The following IGF1R variants were observed in gnomAD, a reference collection of about 807,000 sequenced individuals.
The protein encoded by IGF1R is insulin like growth factor 1 receptor.
In IGF1R, 44 loss-of-function variants were observed where a neutral mutation model predicts 144.6. The ratio of observed to expected loss-of-function variants is 0.30; its 90% CI spans 0.24 to 0.39. The LOEUF (loss-of-function observed/expected upper bound fraction) is 0.39, where lower values mean the gene tolerates loss of function less well. IGF1R is among the 10% of genes least tolerant of loss of function. IGF1R has a pLI of 1.00. For synonymous variants in IGF1R, 795 were observed against 722.8 expected (o/e 1.10, Z -1.60); for missense variants, 1,355 against 1,833.7 (o/e 0.74, Z 4.77).
At chr15:98,863,002 A>T (rs1397229638) in intron 2 of IGF1R, among the ~76,000 whole-genome samples, 2 of 152,108 alleles carry the variant, frequency 1.3e-5, no homozygotes, top group Non-Finnish European at 2.9e-5. Flanking sequence ...TTTCCCACTG[A>T]TGTCCCTTTT....
At chr15:98,703,913 C>T (rs2053797413) in intron 1 of IGF1R, among the ~76,000 whole-genome samples, 1 of 152,074 alleles carries the variant, frequency 6.6e-6, no homozygotes, top group Non-Finnish European at 1.5e-5. Context: ...CTGTCTAATC[C>T]AAAAATCCAA....
chr15:98,928,374 G>C (rs1347774713), intron 13 of IGF1R, among the ~76,000 whole-genome samples: 1 of 152,220 alleles, frequency 6.6e-6, no homozygotes, highest in Non-Finnish European at 1.5e-5. Context: ...TCCAAGACAT[G>C]ACAGTGCCTT....
chr15:98,921,836 T>C (rs1342155245), intron 10 of IGF1R, among the ~76,000 whole-genome samples: 1 of 152,074 alleles, frequency 6.6e-6, no homozygotes, highest in African/African-American at 2.4e-5. Context: ...GCCTGAGTGT[T>C]CTGATGACAC....
intron 2 of IGF1R, among the ~76,000 whole-genome samples, chr15:98,762,379 C>T (rs1351598454): frequency 6.6e-6 from 1 of 151,662 alleles, no homozygotes; most frequent in African/African-American, 2.4e-5. Flanking sequence ...TTGTGAACCT[C>T]GTGATTCTAT....
intron 2 of IGF1R, among the ~76,000 whole-genome samples, chr15:98,720,772 A>G (rs142617188): frequency 1.3e-5 from 2 of 152,332 alleles, no homozygotes; most frequent in Non-Finnish European, 2.9e-5. Flanking sequence ...TGAATTATTC[A>G]TAAGTGCATA....
intron 2 of IGF1R, among the ~76,000 whole-genome samples, chr15:98,867,028 C>T (rs2012486805): frequency 6.6e-6 from 1 of 152,140 alleles, no homozygotes. Context: ...CCCGCCTCTC[C>T]ATTTGTGACT....
intron 2 of IGF1R, among the ~76,000 whole-genome samples, chr15:98,751,351 C>A (rs1362325503): frequency 1.3e-5 from 2 of 152,016 alleles, no homozygotes; most frequent in African/African-American, 4.8e-5. Flanking sequence ...AGGTGTGCAT[C>A]ACCACGCCCA....
At chr15:98,824,713 G>A (rs2056860411) in intron 2 of IGF1R, among the ~76,000 whole-genome samples, 2 of 152,144 alleles carry the variant, frequency 1.3e-5, no homozygotes, top group South Asian at 4.1e-4. Context: ...CTTTTTCCTT[G>A]ATCATCACTT....
At position 98,908,634 on chromosome 15, in the gene IGF1R, G is replaced by C. The variant is rs1306788795; in HGVS notation, c.1248-51G>C. 3 of 1,414,956 alleles carry C rather than the reference G, an allele frequency of 2.1e-6. No individual in the cohort carries two copies. In the South Asian group the frequency reaches 3.5e-5, roughly 17 times the overall value. 87.7% of individuals were successfully genotyped at this position (1,414,956 alleles called of 1,614,324 possible). A position where few individuals can be genotyped will look rare whatever the true frequency, so the allele number is the denominator to read the frequency against. ...TGTGTTACGTGGCCAGCAGGCTAGAGGGGACTGTGGCCAAGGGCAGGTGCG... is the reference window on the plus strand; with the variant it reads ...TGTGTTACGTGGCCAGCAGGCTAGACGGGACTGTGGCCAAGGGCAGGTGCG... On this transcript the variant is annotated intron_variant, in intron 5 of 20. Transcript: ENST00000650285.
At chr15:98,839,346 C>G (rs942402416) in intron 2 of IGF1R, among the ~76,000 whole-genome samples, 3 of 152,118 alleles carry the variant, frequency 2.0e-5, no homozygotes, top group African/African-American at 7.2e-5. Flanking sequence ...CTCTTAGACC[C>G]TACTCTCTAC....
chr15:98,695,461 C>T (rs552745999), intron 1 of IGF1R, among the ~76,000 whole-genome samples: 3 of 152,290 alleles, frequency 2.0e-5, no homozygotes, highest in East Asian at 1.9e-4. Flanking sequence ...ACCTCCAAAG[C>T]GGAATTTTCT....
At chr15:98,799,817 C>T (rs536111965) in intron 2 of IGF1R, among the ~76,000 whole-genome samples, 1 of 152,044 alleles carries the variant, frequency 6.6e-6, no homozygotes, top group Non-Finnish European at 1.5e-5. Context: ...TGCCCCCCTT[C>T]AAGGTTTCGA....
intron 1 of IGF1R, among the ~76,000 whole-genome samples, chr15:98,664,648 G>C (rs1017277263): frequency 6.9e-6 from 1 of 145,544 alleles, no homozygotes; most frequent in Non-Finnish European, 1.5e-5. Context: ...AGCCAAGATC[G>C]CGCCACTGCA....
rs147302920 is a variant in IGF1R at position 98,882,163 on chromosome 15, G to C, written c.641-9162G>C. 9.7e-4 allele frequency among the ~76,000 whole-genome samples: 148 copies of C among 152,346 alleles called. 2 individuals carry two copies. The East Asian group carries it at 0.025, about 26-fold the overall frequency. Reference sequence around the variant, plus strand: ...TTAGAATAGGTCTAGGGCGTGTTGCGTGAGTGGTGACTGAGTAAGATGTTC... The same window carrying C: ...TTAGAATAGGTCTAGGGCGTGTTGCCTGAGTGGTGACTGAGTAAGATGTTC... On this transcript the variant is annotated intron_variant, in intron 2 of 20. Coordinates refer to ENST00000650285, the MANE Select transcript of IGF1R (RefSeq NM_000875.5).
At chr15:98,697,327 G>T (rs533455453) in intron 1 of IGF1R, among the ~76,000 whole-genome samples, 29 of 152,336 alleles carry the variant, frequency 1.9e-4, no homozygotes, top group African/African-American at 7.0e-4. Context: ...TGCATACAGT[G>T]TTTTAGCTCT....
intron 1 of IGF1R, among the ~76,000 whole-genome samples, chr15:98,650,073 C>T (rs183732604): frequency 0.028 from 3,165 of 111,692 alleles, 117 homozygotes; most frequent in African/African-American, 0.13. Context: ...CAGCGCTGAT[C>T]CCCTGCGGCG....
At chr15:98,727,228 CTT>C (rs758601721) in intron 2 of IGF1R, among the ~76,000 whole-genome samples, 200 of 152,250 alleles carry the variant, frequency 1.3e-3, no homozygotes, top group Non-Finnish European at 2.4e-3. Flanking sequence ...TTCCAGTAAA[CTT>C]TTAATTCTTT....
intron 2 of IGF1R, among the ~76,000 whole-genome samples, chr15:98,735,904 A>G (rs1003230659): frequency 2.6e-5 from 4 of 152,184 alleles, no homozygotes; most frequent in African/African-American, 7.2e-5. Context: ...GCCTCCTCCC[A>G]AAGCTCTGTG....
chr15:98,695,971 T>G (rs112497051), intron 1 of IGF1R, among the ~76,000 whole-genome samples: 3 of 121,578 alleles, frequency 2.5e-5, no homozygotes, highest in African/African-American at 1.3e-4. Context: ...GTCTCTCCCC[T>G]GGCCCCTTAC....
Sources: gnomAD v4.1 joint callset for allele counts (sites outside exome capture counted in the v4.1 genomes callset) on GRCh38, gnomAD v4.1.1 for gene constraint, MANE v1.5 for transcripts, NCBI Gene and HGNC (gene_info 2026-07-23, HGNC 2026-07-21) for gene names.